ADAMTSL3: variants seen among roughly 807,000 people sequenced by gnomAD.
ADAMTSL3 encodes ADAMTS-like protein 3.
Under a neutral mutation model 201.7 loss-of-function variants are expected in ADAMTSL3, and 128 were observed. The observed-to-expected ratio is 0.63, with a 90% confidence interval of 0.55 to 0.73. The LOEUF (loss-of-function observed/expected upper bound fraction) is 0.73. Among genes scored for constraint, ADAMTSL3 ranks in the 30% least tolerant of loss-of-function variants. The pLI, the probability that ADAMTSL3 is intolerant of heterozygous loss-of-function variation, is 0.00. For synonymous variants in ADAMTSL3, 738 were observed against 748.4 expected (o/e 0.99, Z 0.23); for missense variants, 1,990 against 2,119.6 (o/e 0.94, Z 1.20).
At chr15:83,870,554 A>G (rs1488154796) in intron 8 of ADAMTSL3, among the ~76,000 whole-genome samples, 2 of 152,186 alleles carry the variant, frequency 1.3e-5, no homozygotes, top group Admixed American at 1.3e-4. Context: ...CTTTCCCCTT[A>G]TGCTAGAAAT....
chr15:83,759,467 C>T (rs7163810), intron 3 of ADAMTSL3, among the ~76,000 whole-genome samples: 22,774 of 152,122 alleles, frequency 0.15, 2,316 homozygotes, highest in African/African-American at 0.28. Context: ...CCTCATGATC[C>T]GCCTGCCTTG....
chr15:83,771,241 A>G (rs2062978932), intron 3 of ADAMTSL3, among the ~76,000 whole-genome samples: 1 of 150,542 alleles, frequency 6.6e-6, no homozygotes, highest in African/African-American at 2.4e-5. Context: ...TAATTGAGAC[A>G]ATTTTCCTCT....
chr15:83,883,000 CTA>C (rs2065306260), intron 9 of ADAMTSL3, among the ~76,000 whole-genome samples: 1 of 151,974 alleles, frequency 6.6e-6, no homozygotes, highest in African/African-American at 2.4e-5. Flanking sequence ...TCTATTATCT[CTA>C]TTTTTTAAAG....
At chr15:83,735,572 TA>T (rs1201472454) in intron 3 of ADAMTSL3, among the ~76,000 whole-genome samples, 5 of 99,284 alleles carry the variant, frequency 5.0e-5, no homozygotes, top group Admixed American at 1.5e-4. Context: ...TTTAAGTATT[TA>T]TAAGGTCATC....
chr15:83,780,720 C>G (rs2063154878), intron 4 of ADAMTSL3, among the ~76,000 whole-genome samples: 1 of 152,156 alleles, frequency 6.6e-6, no homozygotes, highest in South Asian at 2.1e-4. Flanking sequence ...ACCCCATAGT[C>G]TCAGGCCAAA....
intron 4 of ADAMTSL3, among the ~76,000 whole-genome samples, chr15:83,799,984 A>C (rs1303413386): frequency 1.3e-5 from 2 of 152,340 alleles, no homozygotes; most frequent in East Asian, 3.9e-4. Flanking sequence ...CTGTTTCATA[A>C]AGTAGTCTTT....
intron 6 of ADAMTSL3, among the ~76,000 whole-genome samples, chr15:83,825,600 G>C (rs1302320320): frequency 6.6e-6 from 1 of 152,032 alleles, no homozygotes; most frequent in Non-Finnish European, 1.5e-5. Flanking sequence ...GCCTATGATA[G>C]GGTGAGACCC....
intron 4 of ADAMTSL3, among the ~76,000 whole-genome samples, chr15:83,790,047 A>T (rs1454763640): frequency 6.6e-6 from 1 of 151,846 alleles, no homozygotes; most frequent in Non-Finnish European, 1.5e-5. Context: ...TGAAATAAGT[A>T]ATTTAAATAA....
At position 83,806,625 on chromosome 15, in the gene ADAMTSL3, G is replaced by T. The variant is rs1156556642; in HGVS notation, c.363+1930G>T. Reference sequence around the variant, plus strand: ...TCCCAGCACTTTGGGAGGCTGGGGTGGGCAGGTAACTTGAAGTCAGGAGTT... The same window carrying T: ...TCCCAGCACTTTGGGAGGCTGGGGTTGGCAGGTAACTTGAAGTCAGGAGTT... On this transcript the variant is annotated intron_variant, in intron 5 of 29. Transcript: ENST00000286744. Among the ~76,000 whole-genome samples, 5 of 151,934 alleles carry T rather than the reference G, an allele frequency of 3.3e-5. No individual in the cohort carries two copies. The East Asian group carries it at 9.7e-4, about 29-fold the overall frequency.
At chr15:83,842,832 C>T (rs1057036360) in intron 7 of ADAMTSL3, among the ~76,000 whole-genome samples, 8 of 152,058 alleles carry the variant, frequency 5.3e-5, no homozygotes, top group East Asian at 1.9e-4. Flanking sequence ...AGCCAGATCC[C>T]GGTGTAATGG....
intron 3 of ADAMTSL3, among the ~76,000 whole-genome samples, chr15:83,752,014 A>G (rs981388029): frequency 2.0e-5 from 3 of 152,236 alleles, no homozygotes; most frequent in Non-Finnish European, 4.4e-5. Flanking sequence ...ACAGAATGCA[A>G]TTTATTATGA....
In ADAMTSL3 at chr15:83,944,051, T is replaced by C. The variant is rs115682838; in HGVS notation, c.2490+969T>C. On this transcript the variant is annotated intron_variant, in intron 19 of 29. Coordinates refer to ENST00000286744, the MANE Select transcript of ADAMTSL3 (RefSeq NM_207517.3). ...TGGAATGATTCATGTCCTGGGCAGA[T>C]GGAGCGAGATGGTGAGAGATTTCAT... Among the ~76,000 whole-genome samples, 1,234 of 152,302 alleles carry C rather than the reference T, an allele frequency of 8.1e-3. 14 individuals are homozygous for C. The highest frequency in any genetic ancestry group is 0.028 in the African/African-American group (1,156 of 41,552).
intron 2 of ADAMTSL3, among the ~76,000 whole-genome samples, chr15:83,693,646 G>A (rs1401410503): frequency 6.6e-6 from 1 of 152,156 alleles, no homozygotes; most frequent in Non-Finnish European, 1.5e-5. Context: ...TCTATTTAAA[G>A]CTGCAATTTA....
intron 4 of ADAMTSL3, among the ~76,000 whole-genome samples, 174 bp from the exon 5 acceptor site, chr15:83,804,476 C>T (rs908147808): frequency 3.3e-5 from 5 of 151,854 alleles, no homozygotes; most frequent in Non-Finnish European, 7.4e-5. Flanking sequence ...TTTTTGGCTC[C>T]CGATCCTTGA....
intron 3 of ADAMTSL3, among the ~76,000 whole-genome samples, chr15:83,743,861 T>A (rs1024123710): frequency 6.6e-6 from 1 of 152,148 alleles, no homozygotes; most frequent in African/African-American, 2.4e-5. Flanking sequence ...ATATATCTTT[T>A]TAATTTTTTT....
chr15:83,763,131 T>TC (rs368075297), intron 3 of ADAMTSL3, among the ~76,000 whole-genome samples: 23 of 152,048 alleles, frequency 1.5e-4, no homozygotes, highest in African/African-American at 5.1e-4. Context: ...CTCAAGTGAT[T>TC]CCCCCCACCT....
At chr15:83,913,977 G>A (rs1229526851) in intron 16 of ADAMTSL3, among the ~76,000 whole-genome samples, 1 of 152,178 alleles carries the variant, frequency 6.6e-6, no homozygotes, top group Non-Finnish European at 1.5e-5. Context: ...AGGGAGTGAA[G>A]GAGTGGTTAA....
intron 22 of ADAMTSL3, 97 bp from the exon 23 acceptor site, chr15:83,990,989 C>T (rs2067572186): frequency 7.1e-6 from 11 of 1,547,184 alleles, no homozygotes; most frequent in South Asian, 6.1e-5. Context: ...TCCACTCCTG[C>T]CCTCAAAGGG....
chr15:83,899,616 A>G (rs1180331022), intron 14 of ADAMTSL3, 31 bp from the exon 15 acceptor site: 2 of 1,595,944 alleles, frequency 1.3e-6, no homozygotes, highest in African/African-American at 1.4e-5. Flanking sequence ...AATAGTAATT[A>G]GGCTCATTGT....
Sources: gnomAD v4.1 joint callset for allele counts (sites outside exome capture counted in the v4.1 genomes callset) on GRCh38, gnomAD v4.1.1 for gene constraint, MANE v1.5 for transcripts, NCBI Gene and HGNC (gene_info 2026-07-23, HGNC 2026-07-21) for gene names.